The following ADGRA1 variants were observed in gnomAD, a reference collection of about 807,000 sequenced individuals.
The protein encoded by ADGRA1 is G-protein coupled receptor 123.
ADGRA1 carries 12 observed loss-of-function variants against 21.3 expected under a neutral mutation model. The observed-to-expected ratio is 0.56, with a 90% CI of 0.36 to 0.91. The LOEUF (loss-of-function observed/expected upper bound fraction) is 0.91. ADGRA1 is among the 40% of genes least tolerant of loss of function. ADGRA1 has a pLI of 0.01. For synonymous variants in ADGRA1, 385 were observed against 368.8 expected (o/e 1.04, Z -0.50); for missense variants, 790 against 805.6 (o/e 0.98, Z 0.23).
At chr10:133,122,682 A>G (rs564941015) in intron 5 of ADGRA1, among the ~76,000 whole-genome samples, 5 of 152,352 alleles carry the variant, frequency 3.3e-5, no homozygotes, top group Non-Finnish European at 7.4e-5. Context: ...CAGCACAGCC[A>G]GGAAACTGTG....
intron 5 of ADGRA1, among the ~76,000 whole-genome samples, chr10:133,111,174 C>CTCCA (rs1445890764): frequency 1.9e-5 from 1 of 52,144 alleles, no homozygotes; most frequent in Non-Finnish European, 3.4e-5. Flanking sequence ...ACCTGCCCGC[C>CTCCA]GTGAGCACCT....
chr10:133,094,160 C>T (rs1851649050), intron 2 of ADGRA1, among the ~76,000 whole-genome samples: 1 of 152,270 alleles, frequency 6.6e-6, no homozygotes, highest in Non-Finnish European at 1.5e-5. Flanking sequence ...AGAAGCCCCA[C>T]ACAAGGCGGC....
chr10:133,093,214 C>G, intron 2 of ADGRA1: 2 of 1,592,050 alleles, frequency 1.3e-6, no homozygotes, highest in Non-Finnish European at 1.7e-6. Context: ...TGGCATTCCC[C>G]AGGTTTGAAG....
chr10:133,110,014 T>G (rs1028673460), intron 5 of ADGRA1, among the ~76,000 whole-genome samples: 4 of 152,054 alleles, frequency 2.6e-5, no homozygotes, highest in Non-Finnish European at 4.4e-5. Flanking sequence ...AGGGAGGGGC[T>G]GGAAGATACA....
At chr10:133,094,180 G>A (rs989009081) in intron 2 of ADGRA1, among the ~76,000 whole-genome samples, 3 of 152,236 alleles carry the variant, frequency 2.0e-5, no homozygotes, top group African/African-American at 4.8e-5. Context: ...CGTGGCCCTC[G>A]CTGTCACTGG....
intron 2 of ADGRA1, among the ~76,000 whole-genome samples, chr10:133,090,606 A>G (rs1040161263): frequency 1.3e-5 from 2 of 152,194 alleles, no homozygotes; most frequent in African/African-American, 4.8e-5. Flanking sequence ...TTCACAGCGT[A>G]GATACCTGGG....
chr10:133,126,095 C>T (rs374828654), intron 5 of ADGRA1, among the ~76,000 whole-genome samples: 2 of 152,230 alleles, frequency 1.3e-5, no homozygotes, highest in Non-Finnish European at 2.9e-5. Flanking sequence ...TGGTGAAGTC[C>T]GCAGCACGGA....
At chr10:133,123,166 C>A (rs933423489) in intron 5 of ADGRA1, among the ~76,000 whole-genome samples, 3 of 152,222 alleles carry the variant, frequency 2.0e-5, no homozygotes, top group African/African-American at 7.2e-5. Context: ...CTCACAAGCC[C>A]ATCCCTGGCA....
chr10:133,121,837 A>ATG (rs1391048652), intron 5 of ADGRA1, among the ~76,000 whole-genome samples: 6 of 104,980 alleles, frequency 5.7e-5, no homozygotes, highest in African/African-American at 2.3e-4. Flanking sequence ...CTGTGCATAT[A>ATG]TGTGTGCCTG....
chr10:133,117,371 C>A (rs1852179204), intron 5 of ADGRA1, among the ~76,000 whole-genome samples: 1 of 152,218 alleles, frequency 6.6e-6, no homozygotes, highest in African/African-American at 2.4e-5. Context: ...CCAGCAAACA[C>A]CCACGGAACA....
At chr10:133,092,526 CT>C (rs1851611477) in intron 2 of ADGRA1, among the ~76,000 whole-genome samples, 1 of 152,168 alleles carries the variant, frequency 6.6e-6, no homozygotes, top group African/African-American at 2.4e-5. Context: ...AATTCTTCTC[CT>C]CTACCTTCCA....
rs982070000 is a variant in ADGRA1, at chr10:133,107,687, G to GT, written c.401+4852dup. Reference sequence around the variant, plus strand: ...CCTGCATCCCTGAGCTGTCTCGTGGGTTTTTTTGTTTCATTTATCTCCACA... The same window carrying GT: ...CCTGCATCCCTGAGCTGTCTCGTGGGTTTTTTTTGTTTCATTTATCTCCACA... On this transcript the variant is annotated intron_variant, in intron 5 of 6. Coordinates refer to ENST00000392607, the MANE Select transcript of ADGRA1 (RefSeq NM_001083909.3). Among the ~76,000 whole-genome samples the GT allele has an allele frequency of 1.5e-3, 222 of 152,120 alleles. 1 individual carries two copies. Among genetic ancestry groups the GT allele is most frequent in the African/African-American group, 4.0e-3 (168 of 41,518 alleles).
chr10:133,100,586 G>A (rs902339263), intron 4 of ADGRA1, among the ~76,000 whole-genome samples: 1 of 152,240 alleles, frequency 6.6e-6, no homozygotes, highest in African/African-American at 2.4e-5. Context: ...GTTCCAGAGG[G>A]TTGCAATCTT....
intron 4 of ADGRA1, among the ~76,000 whole-genome samples, chr10:133,100,168 C>T (rs975995421): frequency 2.7e-5 from 4 of 150,214 alleles, no homozygotes; most frequent in Non-Finnish European, 6.0e-5. Flanking sequence ...GCCGTGCCCC[C>T]GGCCTGGGCC....
In ADGRA1 at chr10:133,094,852, A is replaced by G. The variant is rs1256935965; in HGVS notation, c.4-2122A>G. Among the ~76,000 whole-genome samples, 4 of 152,138 alleles carry G rather than the reference A, an allele frequency of 2.6e-5. 1 individual carries two copies. Among genetic ancestry groups the G allele is most frequent in the Middle Eastern group, 6.3e-3 (2 of 316 alleles). ...GCCCTGTTAAAACTTCAGTTCTTCT[A>G]CCCACATGGGGCATTCTCCACCTCC... On this transcript the variant is annotated intron_variant, in intron 2 of 6. Coordinates refer to ENST00000392607, the MANE Select transcript of ADGRA1 (RefSeq NM_001083909.3).
At chr10:133,119,515 A>C (rs1852218207) in intron 5 of ADGRA1, among the ~76,000 whole-genome samples, 1 of 152,178 alleles carries the variant, frequency 6.6e-6, no homozygotes, top group Admixed American at 6.5e-5. Context: ...TTCTTTCAAA[A>C]CTGGAGTCAT....
rs552674692 is a variant in ADGRA1 at position 133,129,412 on chromosome 10, C to T, written c.1584C>T (p.Asn528=). ...QSLPFGGPSQ[N]GLPKGKLLEG... is the part of the protein sequence containing the mutation. Reference sequence around the variant, plus strand: ...TGCCCTTTGGTGGCCCCAGCCAGAACGGGCTGCCCAAGGGTAAATTGCTAG... The same window carrying T: ...TGCCCTTTGGTGGCCCCAGCCAGAATGGGCTGCCCAAGGGTAAATTGCTAG... The change falls in exon 7 of 7, where the codon AAC becomes AAT. Residue 528 remains asparagine, a synonymous_variant. Transcript: ENST00000392607. The T allele has an allele frequency of 2.4e-5, 39 of 1,605,972 alleles. No individual in the cohort carries two copies. Among genetic ancestry groups the T allele is most frequent in the Non-Finnish European group, 3.1e-5 (36 of 1,179,640 alleles).
chr10:133,099,058 TGGGGG>T (rs1851741207), intron 4 of ADGRA1, among the ~76,000 whole-genome samples: 1 of 151,956 alleles, frequency 6.6e-6, no homozygotes, highest in African/African-American at 2.4e-5. Context: ...GAGAAAGTGC[TGGGGG>T]GACACAGCCC....
In ADGRA1 at chr10:133,129,221, G is replaced by C. The variant is rs1377329219; in HGVS notation, c.1393G>C (p.Gly465Arg). The change falls in exon 7 of 7, where the codon GGG becomes CGG. Residue 465 changes from glycine to arginine, a missense_variant. Around this residue, in one of 3 missense-constraint regions of ADGRA1, gnomAD observed 391 missense variants for 351.5 expected, o/e 1.11. Transcript: ENST00000392607. ...CCCCAGCTCTCTGGATGGCCCGGCG[G>C]GGACACACACGCTGGCCTGCTGCAC... ...SPPSSLDGPAGTHTLACCTQG... is the reference protein window; with the variant it reads ...SPPSSLDGPARTHTLACCTQG... The C allele has an allele frequency of 3.2e-6, 5 of 1,549,776 alleles. No individual in the cohort carries two copies. The African/African-American group carries it at 4.1e-5, about 13-fold the overall frequency.
Sources: gnomAD v4.1 joint callset for allele counts (sites outside exome capture counted in the v4.1 genomes callset) on GRCh38, gnomAD v4.1.1 for gene constraint, gnomAD v4.1.1 regional missense constraint, MANE v1.5 for transcripts, NCBI Gene and HGNC (gene_info 2026-07-23, HGNC 2026-07-21) for gene names.